Variants in KANK3 observed in about 807,000 individuals in gnomAD.
The protein encoded by KANK3 is KN motif and ankyrin repeat domains 3, also known as KN motif and ankyrin repeat domain-containing protein 3.
In KANK3, 61 loss-of-function variants were observed where a neutral mutation model predicts 65.4. The observed-to-expected ratio is 0.93, with a 90% CI of 0.76 to 1.15. The LOEUF is 1.15. Ranked by LOEUF, KANK3 falls within the 50% of genes most tolerant of loss-of-function variation. The probability of loss-of-function intolerance (pLI) is 0.00; values close to 1 mark genes in which losing one functional copy is unlikely to be tolerated. For missense variants in KANK3, 1,187 were observed against 1,178.8 expected (o/e 1.01, Z -0.10); for synonymous variants, 586 against 543.3 (o/e 1.08, Z -1.09).
Position 8,335,218 on chromosome 19 carries a change from C to G in KANK3, c.609G>C (p.Gln203His), listed in dbSNP as rs1970613215. The G allele has an allele frequency of 8.2e-7, 1 of 1,222,474 alleles. No homozygotes were observed. The allele number at this position is 1,222,474 out of a possible 1,614,324, so 75.7% of individuals were successfully genotyped here. A position where few individuals can be genotyped will look rare whatever the true frequency, so the allele number is the denominator to read the frequency against. ...ALRRLRELED[Q>H]ARTLPELQEQ... ...CCTGCAGCTCGGGCAGCGTTCGCGC[C>G]TGGTCCTCGAGCTCGCGCAGGCGCC... is the stretch of plus-strand genomic sequence containing the variant. The change falls in exon 3 of 11, where the codon CAG (glutamine) becomes CAC (histidine). Residue 203 changes from glutamine to histidine, a missense_variant. Around this residue, in one of 3 missense-constraint regions of KANK3, gnomAD observed 1,078 missense variants for 1,038.2 expected, o/e 1.04. Coordinates refer to ENST00000330915, the MANE Select transcript of KANK3 (RefSeq NM_198471.3).
intron 7 of KANK3, among the ~76,000 whole-genome samples, chr19:8,329,123 A>G (rs372285476): frequency 6.8e-6 from 1 of 147,458 alleles, no homozygotes; most frequent in African/African-American, 2.5e-5. Flanking sequence ...GTGAGCCGAG[A>G]TGGCGCCACT....
At chr19:8,341,189 C>T (rs1970718992) in intron 1 of KANK3, among the ~76,000 whole-genome samples, 1 of 151,728 alleles carries the variant, frequency 6.6e-6, no homozygotes. Flanking sequence ...TTACTATGGG[C>T]CAGCCTCTAG....
Position 8,326,631 on chromosome 19 carries a change from C to CA in KANK3, c.1937-1536dup, listed in dbSNP as rs1206711323. Among the ~76,000 whole-genome samples, 1,954 of 128,386 alleles carry CA rather than the reference C, an allele frequency of 0.015. 94 individuals carry two copies. The South Asian group carries it at 0.18, about 12-fold the overall frequency. 84.2% of individuals were successfully genotyped at this position (128,386 alleles called of 152,430 possible). On this transcript the variant is annotated intron_variant, in intron 7 of 10. Coordinates refer to ENST00000330915, the MANE Select transcript of KANK3 (RefSeq NM_198471.3). ...TGAAACCCCGTCTCTACTAAAAATACAAAAAAAAAAAAAAAATTAGTCGGG... is the reference window on the plus strand; with the variant it reads ...TGAAACCCCGTCTCTACTAAAAATACAAAAAAAAAAAAAAAAATTAGTCGGG...
At chr19:8,337,098 T>C (rs1046413429) in intron 2 of KANK3, among the ~76,000 whole-genome samples, 2 of 152,032 alleles carry the variant, frequency 1.3e-5, no homozygotes, top group Non-Finnish European at 2.9e-5. Context: ...TGTAGTGCGA[T>C]CTTGGCTCAT....
chr19:8,335,428 C>A lies in KANK3; in HGVS notation c.399G>T (p.Thr133=), dbSNP rs748481460. Residue 133 remains threonine, a synonymous_variant, in exon 3 of 11, where the codon ACG becomes ACT. Transcript: ENST00000330915. Reference sequence around the variant, plus strand: ...CCAGCCGCCGGCTGGTCTCCCGGAGCGTGTGCTCGACGCGCGGGTTGCGCA... The same window carrying A: ...CCAGCCGCCGGCTGGTCTCCCGGAGAGTGTGCTCGACGCGCGGGTTGCGCA... ...APVRNPRVEH[T]LRETSRRLEL... is the part of the protein sequence containing the mutation. 8.2e-7 allele frequency: 1 copy of A among 1,214,828 alleles called. No homozygotes were observed. The highest frequency in any genetic ancestry group is 3.8e-5 in the South Asian group (1 of 26,556). The allele number at this position is 1,214,828 out of a possible 1,614,324, so 75.3% of individuals were successfully genotyped here. A position where few individuals can be genotyped will look rare whatever the true frequency, so the allele number is the denominator to read the frequency against.
rs777470595 is a variant in KANK3 at position 8,333,170 on chromosome 19, C to T, written c.1780G>A (p.Ala594Thr). 9.1e-5 allele frequency: 147 copies of T among 1,612,836 alleles called. 3 individuals are homozygous for T. The South Asian group carries it at 1.5e-3, about 17-fold the overall frequency. Residue 594 changes from alanine to threonine, a missense_variant, in exon 7 of 11, where the codon GCG (alanine) becomes ACG (threonine). Physicochemically the swap from Ala to Thr is moderately conservative, Grantham distance 58 (BLOSUM62 0). Coordinates refer to ENST00000330915, the MANE Select transcript of KANK3 (RefSeq NM_198471.3). The surrounding 1 kb of genome is among the most constrained non-coding windows in gnomAD (Gnocchi z 5.0). ...FRVSSQRRSQ[A>T]EPVARMLEGV... ...TCCAGCATCCTGGCCACGGGCTCCG[C>T]CTGAGAGCGCCGCTGGCTGGACACT...
chr19:8,340,291 T>TATATATATATATATATATATACACAC (rs1472181365), intron 1 of KANK3, among the ~76,000 whole-genome samples: 5 of 92,862 alleles, frequency 5.4e-5, no homozygotes, highest in East Asian at 3.9e-4. Context: ...TATATATATA[T>TATATATATATATATATATATACACAC]ACACACACAC....
chr19:8,333,953 C>T lies in KANK3; in HGVS notation c.1591G>A (p.Glu531Lys), dbSNP rs1039850569. ...PPSGGDIRDP[E>K]PEAEAEPQQV... ...TGAGGCTCTGCCTCCGCCTCGGGCTCAGGGTCCCGGATGTCCCCGCCGCTG... is the reference window on the plus strand; with the variant it reads ...TGAGGCTCTGCCTCCGCCTCGGGCTTAGGGTCCCGGATGTCCCCGCCGCTG... The change falls in exon 5 of 11, where the codon GAG (glutamate) becomes AAG (lysine). Residue 531 changes from glutamate (E) to lysine (K), a missense_variant. This residue lies in a region of KANK3 where 1,078 missense variants were observed against 1,038.2 expected (regional missense o/e 1.04). Transcript: ENST00000330915. The surrounding 1 kb of genome is among the most constrained non-coding windows in gnomAD (Gnocchi z 5.0). 1.9e-6 allele frequency: 3 copies of T among 1,569,172 alleles called. No homozygotes were observed. Among genetic ancestry groups the T allele is most frequent in the Middle Eastern group, 1.8e-4 (1 of 5,558 alleles).
At chr19:8,338,024 T>G in intron 1 of KANK3, 168 bp from the exon 2 acceptor site, 1 of 939,918 alleles carries the variant, frequency 1.1e-6, no homozygotes, top group Non-Finnish European at 1.3e-6. Flanking sequence ...GAAACTTTTT[T>G]TTTTTTTTTT....
At position 8,325,076 on chromosome 19, in the gene KANK3, G is replaced by A. The variant is rs1970400698; in HGVS notation, c.1957C>T (p.Gln653Ter). Residue 653 changes from glutamine (Q) to a stop codon, truncating the protein, a stop_gained, in exon 8 of 11, where the codon CAG becomes TAG. Transcript: ENST00000330915. LOFTEE classifies it high-confidence loss of function. Reference sequence around the variant, plus strand: ...AGGGCCGAGTAGCCGGCTCGGTTCTGGCGGTTGACCTCGCAGGCCCCTGGG... The same window carrying A: ...AGGGCCGAGTAGCCGGCTCGGTTCTAGCGGTTGACCTCGCAGGCCCCTGGG... The part of the protein sequence containing the change: ...LDTGACEVNR[Q>*]NRAGYSALML... 2.5e-6 allele frequency: 4 copies of A among 1,613,288 alleles called. No homozygotes were observed. Among genetic ancestry groups the A allele is most frequent in the Non-Finnish European group, 3.4e-6 (4 of 1,179,888 alleles).
intron 7 of KANK3, among the ~76,000 whole-genome samples, chr19:8,330,113 G>A (rs1970498082): frequency 1.3e-5 from 2 of 152,084 alleles, no homozygotes; most frequent in Admixed American, 6.6e-5. Flanking sequence ...GAAGGAAGAG[G>A]GTGAAAGGTC....
chr19:8,333,311 T>C lies in KANK3; in HGVS notation c.1720-81A>G. On this transcript the variant is annotated intron_variant, in intron 6 of 10. Transcript: ENST00000330915. The surrounding 1 kb of genome is among the most constrained non-coding windows in gnomAD (Gnocchi z 5.0). ...TGGGGGAGCTGGGGAGGGGCGGGACTGGGAAGAGACCCATTTGGCGTTTCC... is the reference window on the plus strand; with the variant it reads ...TGGGGGAGCTGGGGAGGGGCGGGACCGGGAAGAGACCCATTTGGCGTTTCC... 3 of 1,168,112 alleles carry C rather than the reference T, an allele frequency of 2.6e-6. No individual in the cohort carries two copies. 72.4% of individuals were successfully genotyped at this position (1,168,112 alleles called of 1,614,324 possible).
chr19:8,335,924 G>T (rs888729272), intron 2 of KANK3, 132 bp from the exon 3 acceptor site: 7 of 618,368 alleles, frequency 1.1e-5, no homozygotes, highest in African/African-American at 3.8e-5. Flanking sequence ...TAACTCAATC[G>T]CTTGTTTAAT....
rs1181619913 is a variant in KANK3 at position 8,335,668 on chromosome 19, C to T, written c.159G>A (p.Glu53=). 8.0e-7 allele frequency: 1 copy of T among 1,254,762 alleles called. No individual in the cohort carries two copies. Among genetic ancestry groups the T allele is most frequent in the Non-Finnish European group, 1.0e-6 (1 of 996,258 alleles). The allele number at this position is 1,254,762 out of a possible 1,614,324, so 77.7% of individuals were successfully genotyped here. Residue 53 remains glutamate, a synonymous_variant, in exon 3 of 11, where the codon GAG becomes GAA. Transcript: ENST00000330915. ...HLDLDFLKYI[E]ELERGPAARR... ...GGGCAGCGGGGCCACGCTCCAGCTC[C>T]TCTATGTACTTGAGGAAGTCCAGGT...
intron 7 of KANK3, among the ~76,000 whole-genome samples, chr19:8,331,304 G>A (rs1342357362): frequency 1.3e-5 from 2 of 152,076 alleles, no homozygotes; most frequent in Admixed American, 6.6e-5. Context: ...CTTCCTTGCC[G>A]CAGCCCCAGC....
chr19:8,334,919 A>G lies in KANK3; in HGVS notation c.908T>C (p.Val303Ala). 1.4e-6 allele frequency: 2 copies of G among 1,458,242 alleles called. No individual in the cohort carries two copies. Among genetic ancestry groups the G allele is most frequent in the Non-Finnish European group, 1.8e-6 (2 of 1,115,626 alleles). 90.3% of individuals were successfully genotyped at this position (1,458,242 alleles called of 1,614,324 possible). Residue 303 changes from valine (V) to alanine (A), a missense_variant, in exon 3 of 11, where the codon GTG becomes GCG. Physicochemically the swap from Val to Ala is moderately conservative, Grantham distance 64. Transcript: ENST00000330915. ...GGTCTCGGGCACGGCCTCGGCGGCC[A>G]CCTCCCGGGTCTGGGGCGTCCCATC... is the stretch of plus-strand genomic sequence containing the variant. ...SLDGTPQTRE[V>A]AAEAVPETRE...
At chr19:8,329,492 C>CAAAAAAAAAAAA (rs59607185) in intron 7 of KANK3, among the ~76,000 whole-genome samples, 1 of 51,124 alleles carries the variant, frequency 2.0e-5, no homozygotes, top group Non-Finnish European at 3.7e-5. Flanking sequence ...GACTCGGCCT[C>CAAAAAAAAAAAA]AAAAAAAAAA....
At chr19:8,340,275 C>CGTATATAT (rs780229218) in intron 1 of KANK3, among the ~76,000 whole-genome samples, 7,028 of 63,904 alleles carry the variant, frequency 0.11, 273 homozygotes, top group Admixed American at 0.14. Context: ...AAAAAAAAAC[C>CGTATATAT]ATATATATAT....
At position 8,337,717 on chromosome 19, in the gene KANK3, T is replaced by C. The variant is rs190248654; in HGVS notation, c.34+78A>G. 3.7e-5 allele frequency: 56 copies of C among 1,525,508 alleles called. No homozygotes were observed. The Admixed American group carries it at 4.3e-4, about 12-fold the overall frequency. The allele number at this position is 1,525,508 out of a possible 1,614,324, so 94.5% of individuals were successfully genotyped here. ...AGGACTGCACTCTAGGGCTGTAGGC[T>C]GCGTCCACACACAAGGGCATCAAGC... is the stretch of plus-strand genomic sequence containing the variant. On this transcript the variant is annotated intron_variant, in intron 2 of 10. Coordinates refer to ENST00000330915, the MANE Select transcript of KANK3 (RefSeq NM_198471.3).
Sources: gnomAD v4.1 joint callset for allele counts (sites outside exome capture counted in the v4.1 genomes callset) on GRCh38, gnomAD v4.1.1 for gene constraint, gnomAD v4.1.1 regional missense constraint, Gnocchi (gnomAD v3.1) non-coding constraint, MANE v1.5 for transcripts, NCBI Gene and HGNC (gene_info 2026-07-23, HGNC 2026-07-21) for gene names.